KCNH5: variants seen among roughly 807,000 people sequenced by gnomAD.
The protein encoded by KCNH5 is voltage-gated delayed rectifier potassium channel KCNH5.
Under a neutral mutation model 96.1 loss-of-function variants are expected in KCNH5, and 46 were observed. The observed-to-expected ratio is 0.48, with a 90% CI of 0.38 to 0.61. The LOEUF (loss-of-function observed/expected upper bound fraction) is 0.61, where lower values mean the gene tolerates loss of function less well. Among genes scored for constraint, KCNH5 ranks in the 20% least tolerant of loss-of-function variants. The probability of loss-of-function intolerance (pLI) is 0.00; values close to 1 mark genes in which losing one functional copy is unlikely to be tolerated. For synonymous variants in KCNH5, 439 were observed against 449.8 expected (o/e 0.98, Z 0.30); for missense variants, 907 against 1,225.8 (o/e 0.74, Z 3.88).
intron 4 of KCNH5, among the ~76,000 whole-genome samples, chr14:62,992,043 T>A (rs1594663446): frequency 1.3e-5 from 2 of 152,014 alleles, no homozygotes; most frequent in East Asian, 1.9e-4. Flanking sequence ...GTGTACACAT[T>A]TTTTTAACAC....
At chr14:62,802,701 G>C (rs1161407988) in intron 8 of KCNH5, 120 bp from the exon 9 acceptor site, 3 of 1,228,218 alleles carry the variant, frequency 2.4e-6, no homozygotes, top group Admixed American at 4.6e-5. Flanking sequence ...TACACACCTT[G>C]CTGGGTACTG....
At chr14:62,860,938 G>T (rs1888021110) in intron 7 of KCNH5, among the ~76,000 whole-genome samples, 1 of 152,326 alleles carries the variant, frequency 6.6e-6, no homozygotes, top group Admixed American at 6.5e-5. Flanking sequence ...AGCAGAGGAA[G>T]AAAGAAAGTG....
intron 7 of KCNH5, among the ~76,000 whole-genome samples, chr14:62,857,823 G>T (rs560351724): frequency 6.6e-6 from 1 of 152,000 alleles, no homozygotes; most frequent in African/African-American, 2.4e-5. Context: ...TCAATACTTT[G>T]CATCCTTCAA....
At chr14:63,012,211 T>G (rs2139602997) in intron 2 of KCNH5, among the ~76,000 whole-genome samples, 1 of 152,312 alleles carries the variant, frequency 6.6e-6, no homozygotes, top group African/African-American at 2.4e-5. Flanking sequence ...ATAACCTCTT[T>G]TAAACATGCG....
chr14:62,868,355 G>A (rs1225011396), intron 7 of KCNH5, among the ~76,000 whole-genome samples: 1 of 152,168 alleles, frequency 6.6e-6, no homozygotes, highest in African/African-American at 2.4e-5. Context: ...CAAGGCAACA[G>A]GCCAAATGGC....
At chr14:62,860,235 C>T (rs1888006175) in intron 7 of KCNH5, among the ~76,000 whole-genome samples, 1 of 152,152 alleles carries the variant, frequency 6.6e-6, no homozygotes, top group Non-Finnish European at 1.5e-5. Flanking sequence ...GCTCCAAAAT[C>T]CTAGAGGCCT....
At chr14:62,845,876 T>G (rs554449718) in intron 8 of KCNH5, among the ~76,000 whole-genome samples, 1 of 152,184 alleles carries the variant, frequency 6.6e-6, no homozygotes, top group Non-Finnish European at 1.5e-5. Context: ...GTATGAACAC[T>G]GGGTGGTGTT....
intron 9 of KCNH5, among the ~76,000 whole-genome samples, chr14:62,793,226 C>T (rs545509274): frequency 8.6e-5 from 13 of 151,804 alleles, no homozygotes; most frequent in Non-Finnish European, 1.9e-4. Flanking sequence ...ATCTGCTGTA[C>T]ACATAGAGCC....
At chr14:62,987,579 G>T (rs1009055591) in intron 4 of KCNH5, among the ~76,000 whole-genome samples, 2 of 152,104 alleles carry the variant, frequency 1.3e-5, no homozygotes, top group African/African-American at 4.8e-5. Context: ...CTCACCAATG[G>T]AATGCAGACA....
chr14:62,888,677 T>G (rs1179419771), intron 7 of KCNH5, among the ~76,000 whole-genome samples: 1 of 152,144 alleles, frequency 6.6e-6, no homozygotes, highest in East Asian at 1.9e-4. Flanking sequence ...CACCAGATAT[T>G]AAAAAGCAAG....
chr14:62,868,486 T>G (rs1468318670), intron 7 of KCNH5, among the ~76,000 whole-genome samples: 1 of 152,234 alleles, frequency 6.6e-6, no homozygotes, highest in Admixed American at 6.5e-5. Flanking sequence ...TTTTGGATTT[T>G]CTTTATGGTC....
At chr14:62,924,444 T>A (rs1889435036) in intron 7 of KCNH5, among the ~76,000 whole-genome samples, 3 of 151,978 alleles carry the variant, frequency 2.0e-5, no homozygotes, top group Non-Finnish European at 4.4e-5. Flanking sequence ...AGAACCACCA[T>A]ATAATCCAGC....
At chr14:62,917,364 T>G (rs1224327800) in intron 7 of KCNH5, among the ~76,000 whole-genome samples, 6 of 152,034 alleles carry the variant, frequency 3.9e-5, no homozygotes, top group Admixed American at 3.9e-4. Flanking sequence ...GTTTTTTTTT[T>G]TTTTTTGCTT....
intron 4 of KCNH5, among the ~76,000 whole-genome samples, chr14:62,993,083 A>G (rs554021472): frequency 3.3e-5 from 5 of 152,074 alleles, no homozygotes; most frequent in Admixed American, 6.6e-5. Context: ...CCTTTCCCCA[A>G]TATATGTTCT....
chr14:62,862,323 T>C (rs1458045099), intron 7 of KCNH5, among the ~76,000 whole-genome samples: 1 of 152,184 alleles, frequency 6.6e-6, no homozygotes. Context: ...CTGAGAATGA[T>C]CCCTATGGAA....
At chr14:62,885,264 G>C (rs955696823) in intron 7 of KCNH5, among the ~76,000 whole-genome samples, 2 of 152,086 alleles carry the variant, frequency 1.3e-5, no homozygotes, top group African/African-American at 4.8e-5. Context: ...TCCTCTTGGG[G>C]TGATGTGACA....
At chr14:62,810,058 C>G (rs920773680) in intron 8 of KCNH5, among the ~76,000 whole-genome samples, 3 of 152,100 alleles carry the variant, frequency 2.0e-5, no homozygotes, top group Non-Finnish European at 2.9e-5. Flanking sequence ...TAACTTTATT[C>G]ATTTTGCTTT....
intron 10 of KCNH5, among the ~76,000 whole-genome samples, chr14:62,710,172 A>C (rs1884538594): frequency 6.6e-6 from 1 of 152,228 alleles, no homozygotes; most frequent in Non-Finnish European, 1.5e-5. Context: ...AAAGCCAGAA[A>C]GATAGGAATT....
intron 8 of KCNH5, among the ~76,000 whole-genome samples, chr14:62,804,526 G>A (rs1886726862): frequency 6.6e-6 from 1 of 152,082 alleles, no homozygotes; most frequent in African/African-American, 2.4e-5. Context: ...GGCGTGTAAA[G>A]GGACAATTGC....
Sources: allele counts gnomAD v4.1 joint callset (sites outside exome capture counted in the v4.1 genomes callset), GRCh38; gene constraint gnomAD v4.1.1; transcripts MANE v1.5; gene names NCBI Gene and HGNC (gene_info 2026-07-23, HGNC 2026-07-21).